The following GPR139 variants were observed in gnomAD, a reference collection of about 807,000 sequenced individuals.
The protein encoded by GPR139 is probable G protein-coupled receptor 139.
GPR139 carries 12 observed loss-of-function variants against 25.8 expected under a neutral mutation model. The ratio of observed to expected loss-of-function variants is 0.47; its 90% CI spans 0.30 to 0.75. GPR139 has a LOEUF of 0.75. GPR139 is among the 30% of genes least tolerant of loss of function. The probability of loss-of-function intolerance (pLI) is 0.07; values close to 1 mark genes in which losing one functional copy is unlikely to be tolerated. For missense variants in GPR139, 380 were observed against 450.2 expected, an observed-to-expected ratio of 0.84 and a Z score of 1.41; for synonymous variants, 184 against 179.9, an observed-to-expected ratio of 1.02 and a Z score of -0.18.
In GPR139 at chr16:20,073,725, C is replaced by T; in HGVS notation, c.-109G>A. ...GAGGCAGCGGCAGCTGGAGCAGCAG[C>T]GCCTCTCTCCCCGCAGGACTGGCTC... On this transcript the variant is annotated 5_prime_UTR_variant, in exon 1 of 2. Transcript: ENST00000570682. This position sits in a 1 kb window ranked among gnomAD's most constrained non-coding sequence, Gnocchi z 4.7. 1 of 1,348,608 alleles carries T rather than the reference C, an allele frequency of 7.4e-7. No homozygotes were observed. The highest frequency in any genetic ancestry group is 9.9e-7 in the Non-Finnish European group (1 of 1,012,800). 83.5% of individuals were successfully genotyped at this position (1,348,608 alleles called of 1,614,324 possible).
chr16:20,056,476 T>C (rs917379677), intron 1 of GPR139, among the ~76,000 whole-genome samples: 2 of 152,206 alleles, frequency 1.3e-5, no homozygotes, highest in Non-Finnish European at 2.9e-5. Flanking sequence ...TTTGTGTCTA[T>C]ATGGGAATGA....
In GPR139 at chr16:20,058,334, AGTGTGT is replaced by A. The variant is rs56090244; in HGVS notation, c.127+15150_127+15155del. On this transcript the variant is annotated intron_variant, in intron 1 of 1. Coordinates refer to ENST00000570682, the MANE Select transcript of GPR139 (RefSeq NM_001002911.4). ...AATGTGATGGTGTAAATGGATGTGG[AGTGTGT>A]GTGTGTGTGTGTGTGTGTGTATTGT... 3.6e-4 allele frequency among the ~76,000 whole-genome samples: 54 copies of A among 149,572 alleles called. No homozygotes were observed. In the East Asian group the frequency reaches 4.7e-3, roughly 13 times the overall value.
chr16:20,034,739 T>C (rs1281886840), intron 1 of GPR139, among the ~76,000 whole-genome samples: 3 of 152,222 alleles, frequency 2.0e-5, no homozygotes, highest in Admixed American at 6.5e-5. Context: ...TGCCATTCTA[T>C]ATACTGCTTT....
intron 1 of GPR139, among the ~76,000 whole-genome samples, chr16:20,072,056 C>T (rs1166090669): frequency 6.6e-6 from 1 of 152,122 alleles, no homozygotes; most frequent in Admixed American, 6.5e-5. Flanking sequence ...AGAGAAGCTC[C>T]GAAGGGCTGA....
rs200262959 is a variant in GPR139 at position 20,061,178 on chromosome 16, AATGG to A, written c.127+12308_127+12311del. On this transcript the variant is annotated intron_variant, in intron 1 of 1. Coordinates refer to ENST00000570682, the MANE Select transcript of GPR139 (RefSeq NM_001002911.4). ...TGGTACCTAGCAATGCCAGGCCCAG[AATGG>A]ATGGATGGATGGATGGATGGATGGA... Among the ~76,000 whole-genome samples the A allele has an allele frequency of 2.9e-3, 403 of 140,566 alleles. 4 individuals carry two copies. Among genetic ancestry groups the A allele is most frequent in the South Asian group, 0.013 (59 of 4,470 alleles). 92.2% of individuals were successfully genotyped at this position (140,566 alleles called of 152,430 possible).
chr16:20,030,462 T>C lies in GPR139; in HGVS notation c.*1273A>G, dbSNP rs1200854105. Among the ~76,000 whole-genome samples, 4 of 152,188 alleles carry C rather than the reference T, an allele frequency of 2.6e-5. No individual in the cohort carries two copies. Among genetic ancestry groups the C allele is most frequent in the Admixed American group, 6.5e-5 (1 of 15,276 alleles). On this transcript the variant is annotated 3_prime_UTR_variant, in exon 2 of 2. Coordinates refer to ENST00000570682, the MANE Select transcript of GPR139 (RefSeq NM_001002911.4). ...TGTGTGCTGCACACATAAGTAGCAA[T>C]TTCCAGGGATGCCCCTATTCATTAC...
rs577590190 is a variant in GPR139, at chr16:20,050,943, G to C, written c.128-18274C>G. On this transcript the variant is annotated intron_variant, in intron 1 of 1. Coordinates refer to ENST00000570682, the MANE Select transcript of GPR139 (RefSeq NM_001002911.4). ...CCAGGTGCAGTGTCAAGTGCCTGCTGTCCCAGCTACTTGGGAGTCTGAGGT... is the reference window on the plus strand; with the variant it reads ...CCAGGTGCAGTGTCAAGTGCCTGCTCTCCCAGCTACTTGGGAGTCTGAGGT... 4.6e-5 allele frequency among the ~76,000 whole-genome samples: 7 copies of C among 151,696 alleles called. No individual in the cohort carries two copies. In the East Asian group the frequency reaches 1.4e-3, roughly 30 times the overall value.
intron 1 of GPR139, among the ~76,000 whole-genome samples, chr16:20,033,756 A>G (rs953670301): frequency 7.2e-5 from 11 of 152,088 alleles, no homozygotes; most frequent in African/African-American, 2.7e-4. Flanking sequence ...TTATTCTCCA[A>G]TCATCAAAGT....
At position 20,070,504 on chromosome 16, in the gene GPR139, G is replaced by A. The variant is rs952119011; in HGVS notation, c.127+2986C>T. On this transcript the variant is annotated intron_variant, in intron 1 of 1. Transcript: ENST00000570682. ...CCATATTTCACATTAGAATTTCTTC[G>A]ATCCTACACCAACCAGTTAAAAATT... Among the ~76,000 whole-genome samples, 57 of 152,244 alleles carry A rather than the reference G, an allele frequency of 3.7e-4. 1 individual carries two copies. The highest frequency in any genetic ancestry group is 3.4e-3 in the Middle Eastern group (1 of 294).
intron 1 of GPR139, among the ~76,000 whole-genome samples, chr16:20,060,062 C>T (rs1165198900): frequency 2.6e-5 from 4 of 152,176 alleles, no homozygotes; most frequent in Non-Finnish European, 5.9e-5. Context: ...CTTGTGCTCT[C>T]TCTCCAACCA....
chr16:20,034,047 A>G (rs753867184), intron 1 of GPR139, among the ~76,000 whole-genome samples: 5 of 152,120 alleles, frequency 3.3e-5, no homozygotes, highest in Non-Finnish European at 5.9e-5. Flanking sequence ...ACTCACTCTG[A>G]AATGATATTC....
intron 1 of GPR139, among the ~76,000 whole-genome samples, chr16:20,058,638 T>A (rs1567239309): frequency 6.6e-6 from 1 of 152,174 alleles, no homozygotes; most frequent in Non-Finnish European, 1.5e-5. Flanking sequence ...TTGGGGTCAT[T>A]ATTCCCTTTT....
At chr16:20,065,877 C>CAA (rs11307746) in intron 1 of GPR139, among the ~76,000 whole-genome samples, 50 of 118,834 alleles carry the variant, frequency 4.2e-4, no homozygotes, top group African/African-American at 1.3e-3. Context: ...GAGACTATCT[C>CAA]AAAAAAAAAA....
At chr16:20,055,601 G>A (rs1463433982) in intron 1 of GPR139, among the ~76,000 whole-genome samples, 1 of 152,224 alleles carries the variant, frequency 6.6e-6, no homozygotes, top group Non-Finnish European at 1.5e-5. Flanking sequence ...CTGGTTTGTG[G>A]AGATGTATCT....
In GPR139 at chr16:20,032,018, C is replaced by T. The variant is rs201301006; in HGVS notation, c.779G>A (p.Arg260His). 157 of 1,614,002 alleles carry T rather than the reference C, an allele frequency of 9.7e-5. No homozygotes were observed. The highest frequency in any genetic ancestry group is 1.6e-4 in the South Asian group (15 of 91,080). The change falls in exon 2 of 2, where the codon CGC becomes CAC. Residue 260 changes from arginine to histidine, a missense_variant. By Grantham distance (29) the Arg-to-His change is conservative. Transcript: ENST00000570682. ...GTCGGACATGATGTGTACCAGCCAGCGGTTCTGGATGGGCGCCCCATAGAG... is the reference window on the plus strand; with the variant it reads ...GTCGGACATGATGTGTACCAGCCAGTGGTTCTGGATGGGCGCCCCATAGAG... ...YHLYGAPIQN[R>H]WLVHIMSDIA...
intron 1 of GPR139, among the ~76,000 whole-genome samples, chr16:20,047,272 G>A (rs1330767917): frequency 6.6e-6 from 1 of 151,980 alleles, no homozygotes; most frequent in Non-Finnish European, 1.5e-5. Flanking sequence ...CACCATGCCT[G>A]GCTAAATTTT....
At chr16:20,052,572 C>G (rs550402734) in intron 1 of GPR139, among the ~76,000 whole-genome samples, 1 of 151,994 alleles carries the variant, frequency 6.6e-6, no homozygotes, top group East Asian at 1.9e-4. Context: ...CCGAGGTGGG[C>G]GGATCACGAG....
chr16:20,044,557 G>C (rs1033225584), intron 1 of GPR139, among the ~76,000 whole-genome samples: 8 of 152,112 alleles, frequency 5.3e-5, no homozygotes, highest in Non-Finnish European at 8.8e-5. Context: ...GAGAGTGAAT[G>C]GCAACGTGCA....
intron 1 of GPR139, among the ~76,000 whole-genome samples, chr16:20,039,075 T>C (rs577819788): frequency 7.2e-5 from 11 of 152,334 alleles, no homozygotes; most frequent in Admixed American, 2.6e-4. Context: ...AAATCCTTTC[T>C]GTCAATGGTG....
Sources: allele counts gnomAD v4.1 joint callset (sites outside exome capture counted in the v4.1 genomes callset), GRCh38; gene constraint gnomAD v4.1.1; non-coding constraint Gnocchi (gnomAD v3.1); transcripts MANE v1.5; gene names NCBI Gene and HGNC (gene_info 2026-07-23, HGNC 2026-07-21).